Variants in MLLT10 observed in about 807,000 individuals in gnomAD.
MLLT10 encodes MLLT10 histone lysine methyltransferase DOT1L cofactor.
A neutral mutation model predicts 129.1 loss-of-function variants in MLLT10; 30 were observed. That is an observed-to-expected ratio of 0.23 (90% CI 0.17 to 0.32). The LOEUF (loss-of-function observed/expected upper bound fraction) is 0.32. MLLT10 is among the 10% of genes least tolerant of loss of function. The pLI is 1.00. For synonymous variants in MLLT10, 490 were observed against 446.4 expected (o/e 1.10, Z -1.23); for missense variants, 1,119 against 1,268.3 (o/e 0.88, Z 1.79).
At chr10:21,619,031 C>CAT (rs894506569) in intron 8 of MLLT10, among the ~76,000 whole-genome samples, 1 of 57,098 alleles carries the variant, frequency 1.8e-5, no homozygotes, top group African/African-American at 6.7e-5. Flanking sequence ...TGGTGACATA[C>CAT]ACACACACAC....
At chr10:21,669,500 G>C (rs976243088) in intron 9 of MLLT10, among the ~76,000 whole-genome samples, 16 of 152,012 alleles carry the variant, frequency 1.1e-4, no homozygotes, top group Non-Finnish European at 1.5e-5. Context: ...ATTTTAGATA[G>C]ATACAATAAA....
intron 14 of MLLT10, among the ~76,000 whole-genome samples, chr10:21,720,117 G>C (rs928159569): frequency 1.3e-5 from 2 of 152,148 alleles, no homozygotes; most frequent in African/African-American, 4.8e-5. Flanking sequence ...CCTGTTGTCC[G>C]ATCATGAGTG....
intron 3 of MLLT10, among the ~76,000 whole-genome samples, chr10:21,567,092 C>T (rs546113128): frequency 6.1e-4 from 93 of 152,294 alleles, no homozygotes; most frequent in African/African-American, 2.0e-3. Context: ...GGATTACAGG[C>T]GCGAGCCACC....
chr10:21,654,750 C>T (rs1056414896), intron 9 of MLLT10, among the ~76,000 whole-genome samples: 5 of 151,954 alleles, frequency 3.3e-5, no homozygotes, highest in Non-Finnish European at 5.9e-5. Context: ...CTGAATACAG[C>T]GAATGAGTGA....
At chr10:21,698,713 T>TG (rs2054603835) in intron 13 of MLLT10, among the ~76,000 whole-genome samples, 3 of 152,212 alleles carry the variant, frequency 2.0e-5, no homozygotes, top group South Asian at 2.1e-4. Flanking sequence ...AGTTTATTTT[T>TG]CTCCACATCC....
intron 18 of MLLT10, 38 bp downstream of exon 18, chr10:21,733,125 T>G (rs201889078): frequency 9.1e-6 from 14 of 1,546,918 alleles, no homozygotes; most frequent in Admixed American, 6.0e-5. Context: ...CTAAGGAAAA[T>G]AGGCTTTCAG....
intron 5 of MLLT10, among the ~76,000 whole-genome samples, chr10:21,601,779 A>G (rs756085594): frequency 6.6e-6 from 1 of 152,120 alleles, no homozygotes; most frequent in Non-Finnish European, 1.5e-5. Flanking sequence ...GCCTCAAGTT[A>G]TTCTTCGACC....
intron 14 of MLLT10, among the ~76,000 whole-genome samples, chr10:21,725,859 T>C (rs980584047): frequency 6.6e-6 from 1 of 150,752 alleles, no homozygotes; most frequent in Non-Finnish European, 1.5e-5. Context: ...CACGCCATTC[T>C]CCTGCCTCAG....
At chr10:21,557,927 ATTAT>A (rs2038248641) in intron 3 of MLLT10, 1 of 131,764 alleles carries the variant, frequency 7.6e-6, no homozygotes, top group Non-Finnish European at 1.7e-5. Context: ...ACTGGCTTTT[ATTAT>A]TTTTCTTTTT....
chr10:21,628,431 CTT>C (rs774410121), intron 8 of MLLT10, among the ~76,000 whole-genome samples: 24 of 115,984 alleles, frequency 2.1e-4, no homozygotes, highest in Admixed American at 7.9e-4. Flanking sequence ...GATGCTCTCT[CTT>C]TTTTTTTTTT....
chr10:21,721,813 A>T lies in MLLT10; in HGVS notation c.1879-4431A>T, dbSNP rs2057152919. ...TATTGTTTAAAAGTGACTTAAGCTT[A>T]GTTCAATAATTATTCAATTTATTCT... On this transcript the variant is annotated intron_variant, in intron 14 of 22. Transcript: ENST00000307729. Among the ~76,000 whole-genome samples, 3 of 152,114 alleles carry T rather than the reference A, an allele frequency of 2.0e-5. No homozygotes were observed. The South Asian group carries it at 6.2e-4, about 31-fold the overall frequency.
chr10:21,621,219 C>T (rs1431103739), intron 8 of MLLT10, among the ~76,000 whole-genome samples: 10 of 138,936 alleles, frequency 7.2e-5, no homozygotes, highest in South Asian at 2.3e-4. Context: ...TGGTCTCGAT[C>T]TCCTGACCTC....
intron 8 of MLLT10, among the ~76,000 whole-genome samples, chr10:21,637,859 C>T (rs1298368021): frequency 6.6e-6 from 1 of 152,204 alleles, no homozygotes; most frequent in African/African-American, 2.4e-5. Context: ...AATAACTAAA[C>T]TCACTTGGCG....
chr10:21,642,618 C>G (rs551294632), intron 8 of MLLT10, among the ~76,000 whole-genome samples: 1 of 143,902 alleles, frequency 6.9e-6, no homozygotes, highest in Non-Finnish European at 1.5e-5. Flanking sequence ...GATTGAGCCA[C>G]TGCACTCCAG....
chr10:21,684,700 C>G (rs2053108551), intron 13 of MLLT10, among the ~76,000 whole-genome samples: 1 of 152,196 alleles, frequency 6.6e-6, no homozygotes. Flanking sequence ...CCATGTCAAA[C>G]TGTCTTACTT....
intron 3 of MLLT10, chr10:21,551,680 G>A (rs1253605785): frequency 3.5e-6 from 1 of 282,290 alleles, no homozygotes; most frequent in Non-Finnish European, 6.8e-6. Context: ...ACTAGTAAGA[G>A]AATTGAAAAC....
At chr10:21,737,366 TGTG>T (rs148214721) in intron 21 of MLLT10, among the ~76,000 whole-genome samples, 93 of 152,220 alleles carry the variant, frequency 6.1e-4, no homozygotes, top group South Asian at 3.5e-3. Context: ...AGGAGGCAGA[TGTG>T]GTGGGCACAC....
chr10:21,557,087 C>T (rs1156591250), intron 3 of MLLT10: 3 of 1,407,434 alleles, frequency 2.1e-6, no homozygotes, highest in East Asian at 2.5e-5. Flanking sequence ...TGAATCATCT[C>T]ATGAATTCTG....
At chr10:21,642,551 G>T (rs898520367) in intron 8 of MLLT10, among the ~76,000 whole-genome samples, 2 of 151,690 alleles carry the variant, frequency 1.3e-5, no homozygotes, top group African/African-American at 4.8e-5. Flanking sequence ...CAGGTACTCG[G>T]GAGGATGAGG....
Sources: gnomAD v4.1 joint callset for allele counts (sites outside exome capture counted in the v4.1 genomes callset) on GRCh38, gnomAD v4.1.1 for gene constraint, MANE v1.5 for transcripts, NCBI Gene and HGNC (gene_info 2026-07-23, HGNC 2026-07-21) for gene names.